Variants in ADAM19 observed in about 807,000 individuals in gnomAD.
ADAM19 encodes the protein ADAM metallopeptidase domain 19.
In ADAM19, 65 loss-of-function variants were observed where a neutral mutation model predicts 114.7. The observed-to-expected ratio is 0.57, with a 90% CI of 0.46 to 0.70. The LOEUF (loss-of-function observed/expected upper bound fraction) is 0.70. ADAM19 is among the 30% of genes least tolerant of loss of function. The pLI is 0.00. For synonymous variants in ADAM19, 466 were observed against 460.5 expected (o/e 1.01, Z -0.15); for missense variants, 1,063 against 1,204.7 (o/e 0.88, Z 1.74).
In ADAM19 at chr5:157,496,907, C is replaced by G; in HGVS notation, c.1581G>C (p.Gln527His). Residue 527 changes from glutamine to histidine, a missense_variant, in exon 14 of 23, where the codon CAG becomes CAC. By Grantham distance (24) the Gln-to-His change is conservative (BLOSUM62 0). Coordinates refer to ENST00000257527, the MANE Select transcript of ADAM19 (RefSeq NM_033274.5). The part of the protein sequence containing the change: ...MCLTYQEQCQ[Q>H]LWGPGARPAP... ...GGAGAGCCTTACCGGGTCCCCACAG[C>G]TGCTGGCACTGCTCCTGGTAGGTGA... 1 of 1,584,204 alleles carries G rather than the reference C, an allele frequency of 6.3e-7. No individual in the cohort carries two copies. Among genetic ancestry groups the G allele is most frequent in the Non-Finnish European group, 8.6e-7 (1 of 1,166,954 alleles).
At chr5:157,512,817 T>TCCGCTTCTCAAGCAAC (rs1755962029) in intron 8 of ADAM19, among the ~76,000 whole-genome samples, 1 of 152,106 alleles carries the variant, frequency 6.6e-6, no homozygotes, top group African/African-American at 2.4e-5. Context: ...TCTCAGACAA[T>TCCGCTTCTCAAGCAAC]CCGCTTCTCA....
intron 7 of ADAM19, among the ~76,000 whole-genome samples, 163 bp from the exon 8 acceptor site, chr5:157,513,668 T>C (rs1040688400): frequency 2.0e-5 from 3 of 152,292 alleles, no homozygotes; most frequent in Admixed American, 2.0e-4. Context: ...CTTTGGAGGG[T>C]AGGACCTGTC....
In ADAM19 at chr5:157,493,033, C is replaced by A; in HGVS notation, c.1848G>T (p.Glu616Asp). 1 of 1,614,242 alleles carries A rather than the reference C, an allele frequency of 6.2e-7. No homozygotes were observed. The highest frequency in any genetic ancestry group is 2.2e-5 in the East Asian group (1 of 44,890). Residue 616 changes from glutamate (E) to aspartate (D), a missense_variant, in exon 16 of 23, where the codon GAG (glutamate) becomes GAT (aspartate). Glu to Asp is a conservative substitution (Grantham distance 45). Around this residue, in one of 3 missense-constraint regions of ADAM19, gnomAD observed 424 missense variants for 445.5 expected, o/e 0.95. Transcript: ENST00000257527. ...GCCCTGGGTCCAGCATGTCACCCTC[C>A]TCCTCAGGACCTCGGTAGACGTGGG... is the stretch of plus-strand genomic sequence containing the variant. ...RGTHVYRGPEEEGDMLDPGLV... is the reference protein window; with the variant it reads ...RGTHVYRGPEDEGDMLDPGLV...
chr5:157,510,683 C>T lies in ADAM19; in HGVS notation c.739-1216G>A, dbSNP rs568664120. Among the ~76,000 whole-genome samples the T allele has an allele frequency of 2.0e-5, 3 of 152,228 alleles. No individual in the cohort carries two copies. In the South Asian group the frequency reaches 6.2e-4, roughly 32 times the overall value. On this transcript the variant is annotated intron_variant, in intron 8 of 22. Transcript: ENST00000257527. ...TTGTGTGTCTGGCTTCTCTCACTTA[C>T]CATAATGTTTTTGAGATGTATCCAT...
At chr5:157,520,451 G>T (rs190522748) in intron 5 of ADAM19, among the ~76,000 whole-genome samples, 1 of 152,308 alleles carries the variant, frequency 6.6e-6, no homozygotes, top group East Asian at 1.9e-4. Context: ...CATGGCATAT[G>T]ACAAATCATG....
intron 15 of ADAM19, among the ~76,000 whole-genome samples, chr5:157,493,964 G>T (rs1430920859): frequency 6.6e-6 from 1 of 152,190 alleles, no homozygotes; most frequent in Non-Finnish European, 1.5e-5. Context: ...CCAGATCTCA[G>T]TGTAGGTATA....
At chr5:157,547,575 C>A (rs984091321) in intron 3 of ADAM19, among the ~76,000 whole-genome samples, 1 of 152,172 alleles carries the variant, frequency 6.6e-6, no homozygotes, top group African/African-American at 2.4e-5. Flanking sequence ...GTTGGACTTG[C>A]CAGCCAGCAG....
chr5:157,566,024 G>T (rs1042738300), intron 2 of ADAM19: 1 of 150,260 alleles, frequency 6.7e-6, no homozygotes. Context: ...CAGGAGAATC[G>T]CTTGAACCTG....
intron 4 of ADAM19, among the ~76,000 whole-genome samples, chr5:157,536,028 A>T (rs1414660356): frequency 6.6e-6 from 1 of 152,218 alleles, no homozygotes; most frequent in Non-Finnish European, 1.5e-5. Context: ...TCACAACTGG[A>T]CAGCCTCCCT....
At chr5:157,493,363 G>A (rs1412862009) in intron 15 of ADAM19, among the ~76,000 whole-genome samples, 186 bp from the exon 16 acceptor site, 7 of 152,186 alleles carry the variant, frequency 4.6e-5, no homozygotes, top group Non-Finnish European at 8.8e-5. Flanking sequence ...ACCAAGGGAA[G>A]AGAACAGGCT....
intron 7 of ADAM19, among the ~76,000 whole-genome samples, chr5:157,517,044 G>T (rs1756111908): frequency 1.3e-5 from 2 of 152,072 alleles, no homozygotes; most frequent in African/African-American, 4.8e-5. Context: ...TGTTCCCTCG[G>T]CCCGGAATGC....
chr5:157,568,878 T>C (rs1757743837), intron 2 of ADAM19: 1 of 152,190 alleles, frequency 6.6e-6, no homozygotes, highest in South Asian at 2.1e-4. Context: ...GGCACTATGC[T>C]GACTATTCCT....
At chr5:157,494,554 T>C in intron 15 of ADAM19, 133 bp downstream of exon 15, 2 of 663,756 alleles carry the variant, frequency 3.0e-6, no homozygotes, top group Non-Finnish European at 2.6e-6. Flanking sequence ...CGAGAATAGA[T>C]GACTGACTTC....
At chr5:157,486,003 T>C (rs1163069353) in intron 21 of ADAM19, among the ~76,000 whole-genome samples, 2 of 152,136 alleles carry the variant, frequency 1.3e-5, no homozygotes, top group Non-Finnish European at 2.9e-5. Flanking sequence ...TGCAGGTGCA[T>C]AAGCCGGTTT....
In ADAM19 at chr5:157,530,246, G is replaced by C. The variant is rs116825724; in HGVS notation, c.407+561C>G. Among the ~76,000 whole-genome samples, 969 of 152,172 alleles carry C rather than the reference G, an allele frequency of 6.4e-3. 8 individuals are homozygous for C. Among genetic ancestry groups the C allele is most frequent in the African/African-American group, 0.022 (926 of 41,492 alleles). On this transcript the variant is annotated intron_variant, in intron 5 of 22. Coordinates refer to ENST00000257527, the MANE Select transcript of ADAM19 (RefSeq NM_033274.5). The stretch of plus-strand genomic sequence containing the variant: ...TTTTATGGGCACTCTCACCCTCTGG[G>C]CCACTATCCCCCTTCCCTAATCACC...
chr5:157,564,398 G>C lies in ADAM19; in HGVS notation c.226C>G (p.Leu76Val). Residue 76 changes from leucine (L) to valine (V), a missense_variant, in exon 3 of 23, where the codon CTG (leucine) becomes GTG (valine). Physicochemically the swap from Leu to Val is conservative, Grantham distance 32 (BLOSUM62 1). Coordinates refer to ENST00000257527, the MANE Select transcript of ADAM19 (RefSeq NM_033274.5). ...ELRVMAEGRELILDLEKNEQL... is the reference protein window; with the variant it reads ...ELRVMAEGREVILDLEKNEQL... ...TCATTCTTCTCCAGGTCCAGGATCA[G>C]TTCTCGCCCCTCAGCCATTACCCTG... is the stretch of plus-strand genomic sequence containing the variant. The C allele has an allele frequency of 6.2e-7, 1 of 1,614,176 alleles. No homozygotes were observed. The highest frequency in any genetic ancestry group is 8.5e-7 in the Non-Finnish European group (1 of 1,180,026).
intron 3 of ADAM19, among the ~76,000 whole-genome samples, chr5:157,561,071 G>A (rs1022708706): frequency 6.6e-6 from 1 of 152,172 alleles, no homozygotes; most frequent in Admixed American, 6.5e-5. Context: ...AGGAATAACC[G>A]ACACAAAAGC....
intron 7 of ADAM19, among the ~76,000 whole-genome samples, chr5:157,518,112 C>T (rs899871895): frequency 6.6e-6 from 1 of 151,936 alleles, no homozygotes; most frequent in South Asian, 2.1e-4. Context: ...AGTTTTCAGT[C>T]GGATGACTGG....
At position 157,478,127 on chromosome 5, in the gene ADAM19, GA is replaced by G. The variant is rs1754647691; in HGVS notation, c.*2821del. ...AATTCTTGGGTTGTAAAATTGGCAG[GA>G]GGTTAATTTCACTTTTAAAAAGATT... On this transcript the variant is annotated 3_prime_UTR_variant, in exon 23 of 23. Transcript: ENST00000257527. The G allele has an allele frequency of 6.3e-6, 1 of 158,046 alleles. No individual in the cohort carries two copies. Among genetic ancestry groups the G allele is most frequent in the Admixed American group, 6.1e-5 (1 of 16,266 alleles). The allele number at this position is 158,046 out of a possible 1,614,324, so 9.8% of individuals were successfully genotyped here.
Sources: allele counts gnomAD v4.1 joint callset (sites outside exome capture counted in the v4.1 genomes callset), GRCh38; gene constraint gnomAD v4.1.1; regional missense constraint gnomAD v4.1.1; transcripts MANE v1.5; gene names NCBI Gene and HGNC (gene_info 2026-07-23, HGNC 2026-07-21).